CALN1: variants seen among roughly 807,000 people sequenced by gnomAD.
The protein encoded by CALN1 is calcium-binding protein 8.
In CALN1, 17 loss-of-function variants were observed where a neutral mutation model predicts 30.6. The observed-to-expected ratio is 0.56, with a 90% confidence interval of 0.38 to 0.83. The LOEUF (loss-of-function observed/expected upper bound fraction) is 0.83. CALN1 is among the 40% of genes least tolerant of loss of function. The pLI, the probability that CALN1 is intolerant of heterozygous loss-of-function variation, is 0.00. For missense variants in CALN1, 291 were observed against 354.9 expected, an observed-to-expected ratio of 0.82 and a Z score of 1.45; for synonymous variants, 156 against 131.4, an observed-to-expected ratio of 1.19 and a Z score of -1.28.
chr7:72,065,506 C>T (rs757624905), intron 4 of CALN1, among the ~76,000 whole-genome samples: 1 of 152,060 alleles, frequency 6.6e-6, no homozygotes, highest in African/African-American at 2.4e-5. Flanking sequence ...AGACAACTAC[C>T]ATATCTTCAC....
intron 2 of CALN1, among the ~76,000 whole-genome samples, chr7:72,280,348 C>T (rs1472875398): frequency 6.6e-6 from 1 of 152,192 alleles, no homozygotes; most frequent in Admixed American, 6.5e-5. Flanking sequence ...CTTTCCATAG[C>T]TAACAGCATG....
the CALN1 span, among the ~76,000 whole-genome samples, chr7:72,453,143 G>A: frequency 3.7e-4 from 56 of 152,316 alleles, no homozygotes; most frequent in Non-Finnish European, 4.1e-4. Flanking sequence ...AGTAATGCAG[G>A]GCAGGTGAAC....
chr7:71,805,079 T>G (rs550790183), intron 6 of CALN1, among the ~76,000 whole-genome samples: 1 of 152,232 alleles, frequency 6.6e-6, no homozygotes, highest in Non-Finnish European at 1.5e-5. Context: ...ATCTTTTCCA[T>G]GCTCCAGATC....
chr7:71,853,306 A>C (rs1172885747), intron 5 of CALN1, among the ~76,000 whole-genome samples: 1 of 152,128 alleles, frequency 6.6e-6, no homozygotes, highest in Non-Finnish European at 1.5e-5. Flanking sequence ...AATTTTATTT[A>C]TATAATTGGC....
chr7:72,144,368 A>C (rs1810193020), intron 3 of CALN1, among the ~76,000 whole-genome samples: 1 of 152,236 alleles, frequency 6.6e-6, no homozygotes, highest in Admixed American at 6.5e-5. Context: ...AGATTAAAAG[A>C]GACAAAGAAG....
chr7:71,849,362 G>A (rs867074099), intron 5 of CALN1, among the ~76,000 whole-genome samples: 5 of 151,494 alleles, frequency 3.3e-5, no homozygotes, highest in African/African-American at 9.7e-5. Context: ...TCTATTTATG[G>A]CTAGTACTGC....
At chr7:72,263,745 T>C (rs914656993) in intron 3 of CALN1, among the ~76,000 whole-genome samples, 1 of 152,174 alleles carries the variant, frequency 6.6e-6, no homozygotes, top group African/African-American at 2.4e-5. Flanking sequence ...CAAAGTTCTC[T>C]TATCAGAGGA....
intron 5 of CALN1, among the ~76,000 whole-genome samples, chr7:72,020,751 T>C (rs1482315380): frequency 2.0e-5 from 3 of 152,226 alleles, no homozygotes; most frequent in Non-Finnish European, 2.9e-5. Flanking sequence ...CATTATAGCA[T>C]GTCTGAATTA....
chr7:72,265,315 A>C (rs1012405015), intron 3 of CALN1, among the ~76,000 whole-genome samples: 7 of 152,194 alleles, frequency 4.6e-5, no homozygotes, highest in African/African-American at 1.4e-4. Context: ...CCTGGATGCC[A>C]CTGTGAAGAG....
At chr7:72,269,022 G>A (rs1365596553) in intron 3 of CALN1, among the ~76,000 whole-genome samples, 4 of 152,062 alleles carry the variant, frequency 2.6e-5, no homozygotes, top group African/African-American at 7.2e-5. Flanking sequence ...CCCCATGCTC[G>A]CCCTGGCTCT....
chr7:72,197,840 A>G (rs984832526), intron 3 of CALN1, among the ~76,000 whole-genome samples: 4 of 152,158 alleles, frequency 2.6e-5, no homozygotes, highest in Non-Finnish European at 5.9e-5. Context: ...TGGACAATAC[A>G]GAAAGATCCT....
intron 2 of CALN1, among the ~76,000 whole-genome samples, chr7:72,344,201 G>A (rs1364109989): frequency 1.3e-5 from 2 of 152,070 alleles, no homozygotes; most frequent in Non-Finnish European, 2.9e-5. Context: ...TCTTCCCAGA[G>A]AAGGCTACAG....
chr7:72,170,240 A>T (rs1289850076), intron 3 of CALN1, among the ~76,000 whole-genome samples: 4 of 152,108 alleles, frequency 2.6e-5, no homozygotes, highest in African/African-American at 9.7e-5. Flanking sequence ...CAACCCTTCA[A>T]GTGGCTGGGA....
intron 2 of CALN1, among the ~76,000 whole-genome samples, chr7:72,282,230 C>T (rs746360269): frequency 2.7e-4 from 41 of 152,152 alleles, no homozygotes; most frequent in Non-Finnish European, 5.1e-4. Flanking sequence ...TAAACCTTGT[C>T]CTGAAACTAA....
At chr7:71,938,446 C>T (rs1248622168) in intron 5 of CALN1, among the ~76,000 whole-genome samples, 1 of 151,946 alleles carries the variant, frequency 6.6e-6, no homozygotes, top group Non-Finnish European at 1.5e-5. Context: ...ACATTATAGC[C>T]ATAATGTGTG....
At chr7:72,214,869 T>A (rs1182513445) in intron 3 of CALN1, among the ~76,000 whole-genome samples, 1 of 151,700 alleles carries the variant, frequency 6.6e-6, no homozygotes, top group Non-Finnish European at 1.5e-5. Context: ...GGATCTAGGT[T>A]GCACACTCCT....
intron 3 of CALN1, among the ~76,000 whole-genome samples, chr7:72,112,963 T>TA (rs1182833242): frequency 1.3e-5 from 2 of 152,068 alleles, no homozygotes; most frequent in Non-Finnish European, 2.9e-5. Context: ...AAGAGAAGGG[T>TA]AAACAGGCAG....
chr7:71,907,780 C>A (rs982662777), intron 5 of CALN1, among the ~76,000 whole-genome samples: 10 of 152,170 alleles, frequency 6.6e-5, no homozygotes, highest in Admixed American at 6.5e-4. Flanking sequence ...CAATTCAATT[C>A]CCATTACGCA....
chr7:72,196,549 C>T (rs1248112646), intron 3 of CALN1, among the ~76,000 whole-genome samples: 1 of 152,118 alleles, frequency 6.6e-6, no homozygotes, highest in African/African-American at 2.4e-5. Flanking sequence ...ATGTGAACAG[C>T]TCAATCAAGC....
Sources: allele counts gnomAD v4.1 joint callset (sites outside exome capture counted in the v4.1 genomes callset), GRCh38; gene constraint gnomAD v4.1.1; transcripts MANE v1.5; gene names NCBI Gene and HGNC (gene_info 2026-07-23, HGNC 2026-07-21).